PTPRK: variants seen among roughly 807,000 people sequenced by gnomAD.
PTPRK encodes the protein receptor-type tyrosine-protein phosphatase kappa.
A neutral mutation model predicts 178.0 loss-of-function variants in PTPRK; 75 were observed. That is an observed-to-expected ratio of 0.42 (90% confidence interval 0.35 to 0.51). The LOEUF (loss-of-function observed/expected upper bound fraction) is 0.51, where lower values mean the gene tolerates loss of function less well. Ranked by LOEUF, PTPRK falls within the 20% of genes least tolerant of loss-of-function variation. The probability of loss-of-function intolerance (pLI) is 0.02; values close to 1 mark genes in which losing one functional copy is unlikely to be tolerated. For missense variants in PTPRK, 1,441 were observed against 1,797.8 expected (o/e 0.80, Z 3.59); for synonymous variants, 637 against 620.6 (o/e 1.03, Z -0.39).
At chr6:127,982,211 GA>G (rs1775425534) in intron 24 of PTPRK, among the ~76,000 whole-genome samples, 1 of 151,482 alleles carries the variant, frequency 6.6e-6, no homozygotes, top group Admixed American at 6.6e-5. Context: ...ATGACTGCAT[GA>G]AAAAAAGGCT....
chr6:128,326,424 C>A (rs1183210130), intron 2 of PTPRK, among the ~76,000 whole-genome samples: 2 of 152,082 alleles, frequency 1.3e-5, no homozygotes, highest in East Asian at 3.8e-4. Flanking sequence ...TAACTCATTA[C>A]ACTATTTAAA....
At chr6:128,223,715 T>A (rs1458141271) in intron 5 of PTPRK, among the ~76,000 whole-genome samples, 1 of 152,200 alleles carries the variant, frequency 6.6e-6, no homozygotes, top group Admixed American at 6.5e-5. Flanking sequence ...GTTCTGTGGC[T>A]TCTCTCTCTT....
intron 1 of PTPRK, among the ~76,000 whole-genome samples, chr6:128,480,335 C>CA (rs1851909895): frequency 6.6e-6 from 1 of 152,142 alleles, no homozygotes; most frequent in Non-Finnish European, 1.5e-5. Flanking sequence ...CAACAATAAG[C>CA]AAGTGTTCCT....
intron 9 of PTPRK, 153 bp downstream of exon 9, chr6:128,083,562 A>T: frequency 2.4e-6 from 1 of 423,088 alleles, no homozygotes; most frequent in Non-Finnish European, 4.2e-6. Context: ...TTAATTTTGG[A>T]ATCAAAGAAT....
chr6:128,359,778 A>G (rs1834477920), intron 2 of PTPRK, among the ~76,000 whole-genome samples: 1 of 151,958 alleles, frequency 6.6e-6, no homozygotes, highest in South Asian at 2.1e-4. Flanking sequence ...ATAATAAAAT[A>G]AAATAAAATA....
chr6:128,516,445 T>C (rs1858036709), intron 1 of PTPRK, among the ~76,000 whole-genome samples: 1 of 152,126 alleles, frequency 6.6e-6, no homozygotes, highest in African/African-American at 2.4e-5. Context: ...TGCTAGTGAT[T>C]AGAACGTGGA....
intron 3 of PTPRK, among the ~76,000 whole-genome samples, chr6:128,282,470 G>C (rs1821826928): frequency 6.6e-6 from 1 of 152,042 alleles, no homozygotes; most frequent in African/African-American, 2.4e-5. Context: ...TTCCCCAAGA[G>C]GCAAGATAAC....
chr6:128,101,179 G>T (rs1387456133), intron 7 of PTPRK, among the ~76,000 whole-genome samples: 2 of 152,006 alleles, frequency 1.3e-5, no homozygotes, highest in East Asian at 3.9e-4. Flanking sequence ...TTTCATGTTT[G>T]TTCTGTGAAT....
chr6:128,143,900 G>A (rs935395817), intron 7 of PTPRK, among the ~76,000 whole-genome samples: 6 of 152,230 alleles, frequency 3.9e-5, no homozygotes, highest in South Asian at 2.1e-4. Context: ...AATGACAAAC[G>A]TATAACTATA....
chr6:128,472,477 G>A (rs1850831026), intron 1 of PTPRK, among the ~76,000 whole-genome samples: 1 of 126,020 alleles, frequency 7.9e-6, no homozygotes, highest in Admixed American at 1.0e-4. Flanking sequence ...TTTTTATTTT[G>A]AAATAATTTC....
chr6:128,237,999 A>G (rs1253014955), intron 5 of PTPRK: 1 of 445,016 alleles, frequency 2.2e-6, no homozygotes, highest in South Asian at 1.6e-5. Context: ...ATAGATTTCA[A>G]TATTTCTTGT....
At chr6:128,092,609 T>C (rs542093540) in intron 7 of PTPRK, among the ~76,000 whole-genome samples, 14 of 152,320 alleles carry the variant, frequency 9.2e-5, no homozygotes, top group African/African-American at 3.4e-4. Flanking sequence ...AAAGGTGCTA[T>C]AGCATACAAA....
At chr6:128,375,627 T>C (rs1220923183) in intron 2 of PTPRK, among the ~76,000 whole-genome samples, 1 of 152,104 alleles carries the variant, frequency 6.6e-6, no homozygotes, top group Non-Finnish European at 1.5e-5. Flanking sequence ...AAGCCAACCA[T>C]GCTTCCCAAA....
At chr6:127,977,712 C>T (rs1231988382) in intron 25 of PTPRK, among the ~76,000 whole-genome samples, 1 of 152,128 alleles carries the variant, frequency 6.6e-6, no homozygotes, top group Admixed American at 6.5e-5. Flanking sequence ...GATCCTGAAG[C>T]ACCAAAGCAT....
At chr6:127,981,413 G>T in intron 24 of PTPRK, 124 bp from the exon 25 acceptor site, 1 of 807,360 alleles carries the variant, frequency 1.2e-6, no homozygotes, top group Non-Finnish European at 1.9e-6. Flanking sequence ...AATGGCATTT[G>T]CTACTATGAC....
chr6:128,178,961 G>A (rs1463965649), intron 7 of PTPRK, among the ~76,000 whole-genome samples: 23 of 151,780 alleles, frequency 1.5e-4, no homozygotes, highest in Admixed American at 1.4e-3. Flanking sequence ...GAATGTATAG[G>A]TGTTGACTAC....
intron 7 of PTPRK, among the ~76,000 whole-genome samples, chr6:128,133,103 G>T (rs968987909): frequency 6.6e-6 from 1 of 152,142 alleles, no homozygotes; most frequent in African/African-American, 2.4e-5. Flanking sequence ...TATACAGAAA[G>T]AGAATAATAA....
chr6:128,509,510 G>A (rs1404886299), intron 1 of PTPRK, among the ~76,000 whole-genome samples: 1 of 151,896 alleles, frequency 6.6e-6, no homozygotes, highest in Non-Finnish European at 1.5e-5. Flanking sequence ...CACACTTTTT[G>A]TGCCTTCAGC....
At chr6:128,385,788 A>ATC (rs1838625466) in intron 2 of PTPRK, among the ~76,000 whole-genome samples, 1 of 152,212 alleles carries the variant, frequency 6.6e-6, no homozygotes, top group African/African-American at 2.4e-5. Context: ...GATCAGGTAC[A>ATC]TCTAACTGTT....
Sources: gnomAD v4.1 joint callset for allele counts (sites outside exome capture counted in the v4.1 genomes callset) on GRCh38, gnomAD v4.1.1 for gene constraint, MANE v1.5 for transcripts, NCBI Gene and HGNC (gene_info 2026-07-23, HGNC 2026-07-21) for gene names.